Variants in RPS6KA2 observed in about 807,000 individuals in gnomAD.
RPS6KA2 encodes ribosomal protein S6 kinase A2.
In RPS6KA2, 42 loss-of-function variants were observed where a neutral mutation model predicts 91.8. The observed-to-expected ratio is 0.46, with a 90% CI of 0.36 to 0.59. The LOEUF (loss-of-function observed/expected upper bound fraction) is 0.59. Ranked by LOEUF, RPS6KA2 falls within the 20% of genes least tolerant of loss-of-function variation. The probability of loss-of-function intolerance (pLI) is 0.00; values close to 1 mark genes in which losing one functional copy is unlikely to be tolerated. For synonymous variants in RPS6KA2, 414 were observed against 393.6 expected, an observed-to-expected ratio of 1.05 and a Z score of -0.61; for missense variants, 798 against 978.5, an observed-to-expected ratio of 0.82 and a Z score of 2.46.
intron 11 of RPS6KA2, chr6:166,463,265 T>G (rs916865724): frequency 2.0e-5 from 3 of 152,242 alleles, no homozygotes; most frequent in Non-Finnish European, 4.4e-5. Context: ...TTGCTTTGTA[T>G]GTAAACCACT....
rs964763320 is a variant in RPS6KA2, at chr6:166,413,723, T to C, written c.2076+71A>G. On this transcript the variant is annotated intron_variant, in intron 20 of 20. Coordinates refer to ENST00000265678, the MANE Select transcript of RPS6KA2 (RefSeq NM_021135.6). ...GCACTCTGTGGTTTCTTCGGAGTGA[T>C]TGCAAGGTATCAGGCTCTTTTCTGG... 3.9e-6 allele frequency: 6 copies of C among 1,520,892 alleles called. No individual in the cohort carries two copies. In the African/African-American group the frequency reaches 5.5e-5, roughly 14 times the overall value. 94.2% of individuals were successfully genotyped at this position (1,520,892 alleles called of 1,614,324 possible). A position where few individuals can be genotyped will look rare whatever the true frequency, so the allele number is the denominator to read the frequency against.
At chr6:166,654,243 G>C (rs1787942753) in intron 2 of RPS6KA2, among the ~76,000 whole-genome samples, 1 of 152,170 alleles carries the variant, frequency 6.6e-6, no homozygotes, top group South Asian at 2.1e-4. Flanking sequence ...GCTGCATTTT[G>C]CTCTTTTGAA....
intron 1 of RPS6KA2, among the ~76,000 whole-genome samples, chr6:166,573,252 C>T (rs138866631): frequency 1.0e-3 from 154 of 152,312 alleles, no homozygotes; most frequent in Middle Eastern, 6.8e-3. Context: ...TCAGGGCAGG[C>T]GCTCACCACC....
chr6:166,425,417 A>T (rs977386457), intron 16 of RPS6KA2, among the ~76,000 whole-genome samples: 1 of 152,166 alleles, frequency 6.6e-6, no homozygotes. Flanking sequence ...ACCAGCTAAC[A>T]TCGTAATGAC....
rs960259173 is a variant in RPS6KA2, at chr6:166,469,826, T to G, written c.972+15A>C. 5 of 1,612,312 alleles carry G rather than the reference T, an allele frequency of 3.1e-6. No individual in the cohort carries two copies. The African/African-American group carries it at 4.0e-5, about 13-fold the overall frequency. ...GTCACGCGTGTGCAGGTGGGGACTG[T>G]GGCATGCAACTTACGTTCCAGTCTA... On this transcript the variant is annotated intron_variant, in intron 11 of 20. Transcript: ENST00000265678.
rs1239477953 is a variant in RPS6KA2, at chr6:166,437,358, C to T, written c.1333-4868G>A. On this transcript the variant is annotated intron_variant, in intron 14 of 20. Coordinates refer to ENST00000265678, the MANE Select transcript of RPS6KA2 (RefSeq NM_021135.6). This position sits in a 1 kb window ranked among gnomAD's most constrained non-coding sequence, Gnocchi z 4.3. ...ATATTGTTTTATAATCTTTATTATG[C>T]AACAAAACAGGGAGGCCTTCTCAGC... Among the ~76,000 whole-genome samples the T allele has an allele frequency of 6.6e-6, 1 of 152,194 alleles. No homozygotes were observed. Among genetic ancestry groups the T allele is most frequent in the Non-Finnish European group, 1.5e-5 (1 of 68,046 alleles).
At chr6:166,790,488 A>G (rs1241411436) in intron 2 of RPS6KA2, among the ~76,000 whole-genome samples, 1 of 152,160 alleles carries the variant, frequency 6.6e-6, no homozygotes, top group Non-Finnish European at 1.5e-5. Flanking sequence ...GCAGGCCAAC[A>G]TTCAGATTCA....
intron 2 of RPS6KA2, among the ~76,000 whole-genome samples, chr6:166,651,126 A>G (rs1215667528): frequency 6.6e-6 from 1 of 152,210 alleles, no homozygotes; most frequent in Admixed American, 6.5e-5. Context: ...GTGTGTGAGG[A>G]TCACAATTTA....
At chr6:166,722,383 G>A (rs935080746) in intron 2 of RPS6KA2, among the ~76,000 whole-genome samples, 1 of 152,242 alleles carries the variant, frequency 6.6e-6, no homozygotes, top group Non-Finnish European at 1.5e-5. Context: ...TGGAAAAATG[G>A]AGGAGCCGCA....
At position 166,709,466 on chromosome 6, in the gene RPS6KA2, AAAAT is replaced by A. The variant is rs1257645310; in HGVS notation, c.123+148730_123+148733del. The stretch of plus-strand genomic sequence containing the variant: ...AACATAGTGACACTCCATCTGTACC[AAAAT>A]AAATAAATAAATAAACACATGACCA... On this transcript the variant is annotated intron_variant, in intron 2 of 21. Transcript: ENST00000503859. Among the ~76,000 whole-genome samples the A allele has an allele frequency of 5.3e-5, 8 of 152,148 alleles. 1 individual carries two copies.
chr6:166,641,989 G>A (rs1787453122), intron 2 of RPS6KA2, among the ~76,000 whole-genome samples: 1 of 151,788 alleles, frequency 6.6e-6, no homozygotes, highest in Non-Finnish European at 1.5e-5. Context: ...AAGAGGTGAG[G>A]CAATACTGCA....
chr6:166,807,982 C>T (rs991295635), intron 2 of RPS6KA2, among the ~76,000 whole-genome samples: 5 of 152,030 alleles, frequency 3.3e-5, no homozygotes, highest in African/African-American at 9.7e-5. Context: ...CAGGGGAGCA[C>T]GATGGACCCA....
intron 1 of RPS6KA2, chr6:166,586,373 C>T (rs1227922791): frequency 6.3e-7 from 1 of 1,599,580 alleles, no homozygotes; most frequent in East Asian, 2.2e-5. Context: ...TTGGAGGAGA[C>T]TCAGGAGGGC....
intron 2 of RPS6KA2, among the ~76,000 whole-genome samples, chr6:166,697,540 T>C (rs1048383535): frequency 2.6e-5 from 4 of 152,194 alleles, no homozygotes; most frequent in Admixed American, 2.0e-4. Flanking sequence ...GAATATCCAA[T>C]TTGAAACTGA....
At chr6:166,547,742 C>T (rs936612083) in intron 1 of RPS6KA2, among the ~76,000 whole-genome samples, 19 of 152,232 alleles carry the variant, frequency 1.2e-4, no homozygotes, top group African/African-American at 4.6e-4. Flanking sequence ...GAGTAGTCAG[C>T]TGCAATGCAG....
At chr6:166,824,239 C>T (rs1401547061) in intron 2 of RPS6KA2, among the ~76,000 whole-genome samples, 1 of 152,170 alleles carries the variant, frequency 6.6e-6, no homozygotes, top group Non-Finnish European at 1.5e-5. Flanking sequence ...TGAAGGGAGG[C>T]AGCGAGGGAG....
intron 2 of RPS6KA2, among the ~76,000 whole-genome samples, chr6:166,668,526 G>T (rs549340093): frequency 6.6e-6 from 1 of 152,280 alleles, no homozygotes; most frequent in African/African-American, 2.4e-5. Flanking sequence ...GCTGAGTAAG[G>T]CTGGAAGGCT....
At chr6:166,621,725 C>A (rs553412308) in intron 1 of RPS6KA2, among the ~76,000 whole-genome samples, 2 of 152,322 alleles carry the variant, frequency 1.3e-5, no homozygotes, top group Non-Finnish European at 2.9e-5. Context: ...ACCAACTCCA[C>A]GTCATACAAA....
At position 166,644,490 on chromosome 6, in the gene RPS6KA2, C is replaced by T. The variant is rs542742756; in HGVS notation, c.124-105706G>A. Among the ~76,000 whole-genome samples the T allele has an allele frequency of 1.6e-4, 24 of 152,262 alleles. No homozygotes were observed. In the South Asian group the frequency reaches 4.8e-3, roughly 30 times the overall value. Reference sequence around the variant, plus strand: ...GTGACTTTTAGGAAGTTTGAGGCTCCAATCCTATCATCATTTTCCAGGAGC... The same window carrying T: ...GTGACTTTTAGGAAGTTTGAGGCTCTAATCCTATCATCATTTTCCAGGAGC... On this transcript the variant is annotated intron_variant, in intron 2 of 21. Transcript: ENST00000503859.
Sources: allele counts gnomAD v4.1 joint callset (sites outside exome capture counted in the v4.1 genomes callset), GRCh38; gene constraint gnomAD v4.1.1; non-coding constraint Gnocchi (gnomAD v3.1); transcripts MANE v1.5; gene names NCBI Gene and HGNC (gene_info 2026-07-23, HGNC 2026-07-21).